SMARCE1: variants seen among roughly 807,000 people sequenced by gnomAD.
The protein encoded by SMARCE1 is SWI/SNF related BAF chromatin remodeling complex subunit E1, also known as SWI/SNF-related matrix-associated actin-dependent regulator of chromatin subfamily E member 1.
A neutral mutation model predicts 54.9 loss-of-function variants in SMARCE1; 13 were observed. That is an observed-to-expected ratio of 0.24 (90% CI 0.15 to 0.38). The LOEUF (loss-of-function observed/expected upper bound fraction) is 0.38, where lower values mean the gene tolerates loss of function less well. SMARCE1 is among the 10% of genes least tolerant of loss of function. The probability of loss-of-function intolerance (pLI) is 1.00; values close to 1 mark genes in which losing one functional copy is unlikely to be tolerated. For missense variants in SMARCE1, 295 were observed against 523.8 expected, an observed-to-expected ratio of 0.56 and a Z score of 4.26; for synonymous variants, 151 against 175.3, an observed-to-expected ratio of 0.86 and a Z score of 1.10.
intron 7 of SMARCE1, chr17:40,635,209 C>G (rs1222243600): frequency 6.6e-6 from 1 of 151,424 alleles, no homozygotes; most frequent in South Asian, 2.1e-4. Context: ...AAGCTTCTAA[C>G]CTTTTGCACA....
At chr17:40,629,272 A>G (rs2037067013) in intron 10 of SMARCE1, 1 of 409,876 alleles carries the variant, frequency 2.4e-6, no homozygotes, top group Non-Finnish European at 4.3e-6. Flanking sequence ...GTGTATAAAG[A>G]CTGTTTAAAA....
intron 10 of SMARCE1, 91 bp downstream of exon 10, chr17:40,630,623 C>T: frequency 1.0e-6 from 1 of 1,000,808 alleles, no homozygotes; most frequent in Non-Finnish European, 1.6e-6. Context: ...TGGCAGGTAC[C>T]AGAATACTTG....
intron 7 of SMARCE1, chr17:40,635,468 T>C (rs2037137621): frequency 6.5e-6 from 1 of 152,716 alleles, no homozygotes; most frequent in Non-Finnish European, 1.5e-5. Flanking sequence ...ATACAAATAG[T>C]AGCATGAGCT....
chr17:40,637,225 AT>A (rs1382557302), intron 5 of SMARCE1: 4 of 445,452 alleles, frequency 9.0e-6, no homozygotes, highest in African/African-American at 8.0e-5. Context: ...TCCTCACGTC[AT>A]TAAATATTCT....
At position 40,645,812 on chromosome 17, in the gene SMARCE1, T is replaced by C; in HGVS notation, c.-10A>G. The C allele has an allele frequency of 8.7e-7, 1 of 1,143,396 alleles. No homozygotes were observed. Among genetic ancestry groups the C allele is most frequent in the Non-Finnish European group, 1.2e-6 (1 of 845,102 alleles). The allele number at this position is 1,143,396 out of a possible 1,614,324, so 70.8% of individuals were successfully genotyped here. Reference sequence around the variant, plus strand: ...GAAACTTACTTGACATTTTGGAAGATTAAGTTCTCAGTTCCTTAAGAATGA... The same window carrying C: ...GAAACTTACTTGACATTTTGGAAGACTAAGTTCTCAGTTCCTTAAGAATGA... On this transcript the variant is annotated 5_prime_UTR_variant, in exon 2 of 11. Transcript: ENST00000348513.
At chr17:40,646,398 T>C (rs2037257268) in intron 1 of SMARCE1, among the ~76,000 whole-genome samples, 1 of 152,218 alleles carries the variant, frequency 6.6e-6, no homozygotes, top group Non-Finnish European at 1.5e-5. Flanking sequence ...TTTGAGAGTC[T>C]ACCTGAAAAA....
intron 3 of SMARCE1, chr17:40,644,517 C>A (rs913410371): frequency 6.6e-5 from 10 of 152,036 alleles, no homozygotes; most frequent in Non-Finnish European, 1.0e-4. Flanking sequence ...AGAAAGAAAA[C>A]AAAGCAAGCA....
chr17:40,635,084 T>G (rs1414195941), intron 7 of SMARCE1: 1 of 152,090 alleles, frequency 6.6e-6, no homozygotes, highest in African/African-American at 2.4e-5. Context: ...GTACTATTAT[T>G]GCTTCCTCCC....
chr17:40,627,061 A>C lies in SMARCE1; in HGVS notation c.*1724T>G, dbSNP rs1447377221. 1 of 152,242 alleles carries C rather than the reference A, an allele frequency of 6.6e-6. No homozygotes were observed. The highest frequency in any genetic ancestry group is 1.5e-5 in the Non-Finnish European group (1 of 68,046). 9.4% of individuals were successfully genotyped at this position (152,242 alleles called of 1,614,324 possible). ...CAGTTTTCCACCCATATTAAACTAC[A>C]TCTGCCCCATTTTGACTACTAGAAA... On this transcript the variant is annotated 3_prime_UTR_variant, in exon 11 of 11. Coordinates refer to ENST00000348513, the MANE Select transcript of SMARCE1 (RefSeq NM_003079.5).
chr17:40,633,748 G>A (rs1337794235), intron 7 of SMARCE1: 1 of 152,118 alleles, frequency 6.6e-6, no homozygotes, highest in African/African-American at 2.4e-5. Context: ...AATTTCTTTA[G>A]GAAATAAACT....
intron 7 of SMARCE1, 52 bp downstream of exon 7, chr17:40,635,879 T>A: frequency 7.6e-7 from 1 of 1,321,464 alleles, no homozygotes; most frequent in Non-Finnish European, 1.0e-6. Flanking sequence ...AGATTTCTCA[T>A]ATCTTAACTC....
intron 4 of SMARCE1, chr17:40,641,664 G>A (rs2037201102): frequency 6.6e-6 from 1 of 152,116 alleles, no homozygotes; most frequent in South Asian, 2.1e-4. Context: ...TCTTTAGTAA[G>A]TCATTTTTAT....
At chr17:40,639,970 A>C (rs572053821) in intron 4 of SMARCE1, 3 of 152,290 alleles carry the variant, frequency 2.0e-5, no homozygotes, top group East Asian at 1.9e-4. Context: ...TGCTACTATC[A>C]GGAAACCCAC....
chr17:40,645,485 T>G, intron 3 of SMARCE1, 91 bp downstream of exon 3: 1 of 690,072 alleles, frequency 1.4e-6, no homozygotes, highest in Non-Finnish European at 2.4e-6. Flanking sequence ...CCTGTTGCTG[T>G]GATGATTGAG....
intron 6 of SMARCE1, 86 bp from the exon 7 acceptor site, chr17:40,636,188 G>T: frequency 5.5e-6 from 7 of 1,267,274 alleles, no homozygotes; most frequent in Non-Finnish European, 7.7e-6. Context: ...AATATCAAAA[G>T]ATATGATGTA....
intron 10 of SMARCE1, chr17:40,630,302 T>G: frequency 8.4e-7 from 1 of 1,191,368 alleles, no homozygotes; most frequent in Non-Finnish European, 1.2e-6. Context: ...AAGAGCCAGA[T>G]AGAAAATATT....
chr17:40,630,196 A>AT lies in SMARCE1; in HGVS notation c.1027+517dup, dbSNP rs545326608. The AT allele has an allele frequency of 1.0e-3, 1,284 of 1,222,952 alleles. 2 individuals are homozygous for AT. Among genetic ancestry groups the AT allele is most frequent in the African/African-American group, 2.4e-3 (159 of 65,236 alleles). The allele number at this position is 1,222,952 out of a possible 1,614,324, so 75.8% of individuals were successfully genotyped here. A position where few individuals can be genotyped will look rare whatever the true frequency, so the allele number is the denominator to read the frequency against. On this transcript the variant is annotated intron_variant, in intron 10 of 10. Transcript: ENST00000348513. ...AGTTTTATTTATACAAGTTATTATT[A>AT]TTATTTTTTACCTTGAGGGATGCTT...
chr17:40,631,838 A>G, intron 8 of SMARCE1, 145 bp from the exon 9 acceptor site: 1 of 588,510 alleles, frequency 1.7e-6, no homozygotes, highest in Non-Finnish European at 3.0e-6. Flanking sequence ...ATGCAGCACA[A>G]AGAAATGATT....
intron 1 of SMARCE1, among the ~76,000 whole-genome samples, chr17:40,646,814 C>T (rs917619412): frequency 1.4e-4 from 21 of 152,250 alleles, no homozygotes; most frequent in African/African-American, 4.1e-4. Context: ...TGATTTTTCG[C>T]TTCTATTATT....
Sources: gnomAD v4.1 joint callset for allele counts (sites outside exome capture counted in the v4.1 genomes callset) on GRCh38, gnomAD v4.1.1 for gene constraint, MANE v1.5 for transcripts, NCBI Gene and HGNC (gene_info 2026-07-23, HGNC 2026-07-21) for gene names.